TMEM26: variants seen among roughly 807,000 people sequenced by gnomAD.
The protein encoded by TMEM26 is transmembrane protein 26.
A neutral mutation model predicts 28.8 loss-of-function variants in TMEM26; 38 were observed. The observed-to-expected ratio is 1.32, with a 90% CI of 1.02 to 1.73. The LOEUF is 1.73. Ranked by LOEUF, TMEM26 falls within the 40% of genes most tolerant of loss-of-function variation. The pLI is 0.00. For synonymous variants in TMEM26, 227 were observed against 182.9 expected (o/e 1.24, Z -1.95); for missense variants, 518 against 447.1 (o/e 1.16, Z -1.43).
rs10711559 is a variant in TMEM26, at chr10:61,444,653, TAA to T, written c.191+8236_191+8237del. Among the ~76,000 whole-genome samples, 987 of 133,830 alleles carry T rather than the reference TAA, an allele frequency of 7.4e-3. 6 individuals carry two copies. Among genetic ancestry groups the T allele is most frequent in the African/African-American group, 0.02 (751 of 36,974 alleles). The allele number at this position is 133,830 out of a possible 152,430, so 87.8% of individuals were successfully genotyped here. A position where few individuals can be genotyped will look rare whatever the true frequency, so the allele number is the denominator to read the frequency against. Reference sequence around the variant, plus strand: ...TCACTTGAGTTTTACCCTCATAATTTAAAAAAAAAAAAAAAAAACACCAACAG... The same window carrying T: ...TCACTTGAGTTTTACCCTCATAATTTAAAAAAAAAAAAAAAACACCAACAG... On this transcript the variant is annotated intron_variant, in intron 1 of 5. Transcript: ENST00000399298.
chr10:61,407,077 A>G lies in TMEM26; in HGVS notation c.*3245T>C, dbSNP rs1839506426. 6.6e-6 allele frequency: 1 copy of G among 152,128 alleles called. No homozygotes were observed. The highest frequency in any genetic ancestry group is 2.4e-5 in the African/African-American group (1 of 41,436). 9.4% of individuals were successfully genotyped at this position (152,128 alleles called of 1,614,324 possible). On this transcript the variant is annotated 3_prime_UTR_variant, in exon 6 of 6. Coordinates refer to ENST00000399298, the MANE Select transcript of TMEM26 (RefSeq NM_178505.8). Reference sequence around the variant, plus strand: ...TCTTTCTTAGCATTGGAGGAGGGCTAAAGTGGACAGATGCCTGGCATTTGC... The same window carrying G: ...TCTTTCTTAGCATTGGAGGAGGGCTGAAGTGGACAGATGCCTGGCATTTGC...
At chr10:61,427,729 T>C (rs1025850333) in intron 4 of TMEM26, among the ~76,000 whole-genome samples, 2 of 152,122 alleles carry the variant, frequency 1.3e-5, no homozygotes, top group African/African-American at 4.8e-5. Context: ...ATGTTTTGCA[T>C]GTGCATGTTT....
At chr10:61,411,989 T>C (rs549669346) in intron 5 of TMEM26, among the ~76,000 whole-genome samples, 2 of 152,324 alleles carry the variant, frequency 1.3e-5, no homozygotes, top group South Asian at 4.1e-4. Context: ...AATGTCTTTC[T>C]TAAATACAAA....
chr10:61,414,823 C>T, intron 4 of TMEM26: 1 of 250,040 alleles, frequency 4.0e-6, no homozygotes, highest in Non-Finnish European at 6.3e-6. Context: ...GTTAGGATTA[C>T]CAAGCAGGTA....
At chr10:61,411,534 C>CA (rs1321259248) in intron 5 of TMEM26, among the ~76,000 whole-genome samples, 7 of 152,182 alleles carry the variant, frequency 4.6e-5, no homozygotes, top group Admixed American at 2.0e-4. Context: ...TATTCAAATT[C>CA]AAACTTAATT....
chr10:61,443,223 TGGGC>T (rs1840124105), intron 1 of TMEM26, among the ~76,000 whole-genome samples: 1 of 145,578 alleles, frequency 6.9e-6, no homozygotes, highest in African/African-American at 2.6e-5. Context: ...GAGGCCGAGG[TGGGC>T]GGATAACAAG....
chr10:61,440,606 T>G (rs1488246819), intron 1 of TMEM26, among the ~76,000 whole-genome samples: 1 of 152,214 alleles, frequency 6.6e-6, no homozygotes, highest in African/African-American at 2.4e-5. Flanking sequence ...TCTCTTACTT[T>G]TAACCTGATT....
rs948339433 is a variant in TMEM26 at position 61,409,284 on chromosome 10, G to A, written c.*1038C>T. 1 of 152,148 alleles carries A rather than the reference G, an allele frequency of 6.6e-6. No individual in the cohort carries two copies. Among genetic ancestry groups the A allele is most frequent in the African/African-American group, 2.4e-5 (1 of 41,428 alleles). 9.4% of individuals were successfully genotyped at this position (152,148 alleles called of 1,614,324 possible). A position where few individuals can be genotyped will look rare whatever the true frequency, so the allele number is the denominator to read the frequency against. Reference sequence around the variant, plus strand: ...TTCCCACAACGGGGTAGCACATTCCGACTCCCGTCACTCAACAAGGGCTGT... The same window carrying A: ...TTCCCACAACGGGGTAGCACATTCCAACTCCCGTCACTCAACAAGGGCTGT... On this transcript the variant is annotated 3_prime_UTR_variant, in exon 6 of 6. Coordinates refer to ENST00000399298, the MANE Select transcript of TMEM26 (RefSeq NM_178505.8).
At chr10:61,450,448 C>T (rs890415741) in intron 1 of TMEM26, among the ~76,000 whole-genome samples, 4 of 152,026 alleles carry the variant, frequency 2.6e-5, no homozygotes, top group African/African-American at 7.2e-5. Context: ...TTTTAGCAGC[C>T]CATGTTCTGA....
rs990397163 is a variant in TMEM26 at position 61,407,481 on chromosome 10, A to C, written c.*2841T>G. On this transcript the variant is annotated 3_prime_UTR_variant, in exon 6 of 6. Coordinates refer to ENST00000399298, the MANE Select transcript of TMEM26 (RefSeq NM_178505.8). ...TGAAACAGCTCAAATAAAAATTAAAAGAATAATCAAAGATAAAGACAGTTT... is the reference window on the plus strand; with the variant it reads ...TGAAACAGCTCAAATAAAAATTAAACGAATAATCAAAGATAAAGACAGTTT... The C allele has an allele frequency of 3.5e-4, 54 of 152,180 alleles. No individual in the cohort carries two copies. Among genetic ancestry groups the C allele is most frequent in the African/African-American group, 1.2e-3 (50 of 41,452 alleles). 9.4% of individuals were successfully genotyped at this position (152,180 alleles called of 1,614,324 possible). A position where few individuals can be genotyped will look rare whatever the true frequency, so the allele number is the denominator to read the frequency against.
At chr10:61,417,410 T>C (rs1361229217) in intron 4 of TMEM26, among the ~76,000 whole-genome samples, 2 of 151,710 alleles carry the variant, frequency 1.3e-5, no homozygotes, top group Admixed American at 6.6e-5. Context: ...TATTTGTTTT[T>C]GGAAGTGTAA....
rs1839916015 is a variant in TMEM26 at position 61,431,211 on chromosome 10, GCT to G, written c.384+6_384+7del. ...AGATCCTTTAATAAACAGTGGAAAA[GCT>G]CTCACCGTCTCAATGAGATCATCAG... On this transcript the variant is annotated splice_donor_region_variant and intron_variant, in intron 3 of 5. Transcript: ENST00000399298. 1.2e-6 allele frequency: 2 copies of G among 1,606,068 alleles called. No homozygotes were observed. The highest frequency in any genetic ancestry group is 8.5e-7 in the Non-Finnish European group (1 of 1,173,122).
In TMEM26 at chr10:61,453,023, G is replaced by C. The variant is rs754711937; in HGVS notation, c.59C>G (p.Ser20Trp). Residue 20 changes from serine to tryptophan, a missense_variant, in exon 1 of 6, where the codon TCG becomes TGG. Transcript: ENST00000399298. ...GGTCACTCGCCAGACCCCGACCAGC[G>C]AGTGCAGCAGGAACAGCAACCGAGT... ...LATRLLFLLHSLVGVWRVTEV... is the reference protein window; with the variant it reads ...LATRLLFLLHWLVGVWRVTEV... The C allele has an allele frequency of 6.2e-7, 1 of 1,613,784 alleles. No individual in the cohort carries two copies. The highest frequency in any genetic ancestry group is 1.3e-5 in the African/African-American group (1 of 74,918).
chr10:61,436,875 A>C (rs1840017240), intron 1 of TMEM26, among the ~76,000 whole-genome samples: 1 of 152,188 alleles, frequency 6.6e-6, no homozygotes, highest in African/African-American at 2.4e-5. Flanking sequence ...AAAATTCAGA[A>C]AGGAATCCGA....
intron 1 of TMEM26, among the ~76,000 whole-genome samples, chr10:61,439,912 T>A (rs939631051): frequency 1.6e-4 from 24 of 152,210 alleles, no homozygotes; most frequent in African/African-American, 5.8e-4. Context: ...TAATTTATAA[T>A]GACTTATATT....
chr10:61,447,035 A>G (rs1840196141), intron 1 of TMEM26, among the ~76,000 whole-genome samples: 1 of 152,268 alleles, frequency 6.6e-6, no homozygotes, highest in African/African-American at 2.4e-5. Flanking sequence ...AACCTCAGAT[A>G]CACTAAAAAG....
chr10:61,441,138 C>G (rs931623287), intron 1 of TMEM26, among the ~76,000 whole-genome samples: 2 of 152,028 alleles, frequency 1.3e-5, no homozygotes, highest in African/African-American at 2.4e-5. Context: ...AGATGTGGAG[C>G]CTGCATATAT....
intron 1 of TMEM26, among the ~76,000 whole-genome samples, chr10:61,443,411 G>A (rs983162513): frequency 6.6e-6 from 1 of 151,884 alleles, no homozygotes; most frequent in Non-Finnish European, 1.5e-5. Flanking sequence ...CTAGCAGTGA[G>A]CGGAGATTGG....
At chr10:61,418,106 G>A (rs1030527300) in intron 4 of TMEM26, among the ~76,000 whole-genome samples, 1 of 151,822 alleles carries the variant, frequency 6.6e-6, no homozygotes, top group Non-Finnish European at 1.5e-5. Flanking sequence ...AAGTTAAATA[G>A]ATGAGGAAAA....
Sources: allele counts gnomAD v4.1 joint callset (sites outside exome capture counted in the v4.1 genomes callset), GRCh38; gene constraint gnomAD v4.1.1; transcripts MANE v1.5; gene names NCBI Gene and HGNC (gene_info 2026-07-23, HGNC 2026-07-21).